The following RHBDL3 variants were observed in gnomAD, a reference collection of about 807,000 sequenced individuals.
The protein encoded by RHBDL3 is rhomboid like 3, also known as rhomboid-related protein 3.
RHBDL3 carries 28 observed loss-of-function variants against 48.2 expected under a neutral mutation model. That is an observed-to-expected ratio of 0.58 (90% CI 0.43 to 0.80). The LOEUF (loss-of-function observed/expected upper bound fraction) is 0.80. Ranked by LOEUF, RHBDL3 falls within the 30% of genes least tolerant of loss-of-function variation. RHBDL3 has a pLI of 0.00. For synonymous variants in RHBDL3, 208 were observed against 232.3 expected (o/e 0.90, Z 0.95); for missense variants, 464 against 542.7 (o/e 0.85, Z 1.44).
At chr17:32,271,142 T>TGA (rs2039764421) in intron 2 of RHBDL3, among the ~76,000 whole-genome samples, 1 of 152,242 alleles carries the variant, frequency 6.6e-6, no homozygotes, top group Non-Finnish European at 1.5e-5. Context: ...CTGAGATAGT[T>TGA]TTCGTACCTC....
At chr17:32,266,634 G>T (rs1005667634) in intron 1 of RHBDL3, among the ~76,000 whole-genome samples, 2 of 152,306 alleles carry the variant, frequency 1.3e-5, no homozygotes, top group Admixed American at 1.3e-4. Flanking sequence ...TCACGGCGGT[G>T]ACTCCCCCTC....
chr17:32,305,105 T>G (rs766567030), intron 6 of RHBDL3, among the ~76,000 whole-genome samples: 1 of 134,210 alleles, frequency 7.5e-6, no homozygotes, highest in Non-Finnish European at 1.5e-5. Context: ...GTGACAGAGT[T>G]AGACCTTGTC....
Position 32,284,783 on chromosome 17 carries a change from A to T in RHBDL3, c.260A>T (p.Asp87Val), listed in dbSNP as rs755476449. 11 of 1,613,998 alleles carry T rather than the reference A, an allele frequency of 6.8e-6. No homozygotes were observed. In the Admixed American group the frequency reaches 1.8e-4, roughly 27 times the overall value. The part of the protein sequence containing the change: ...VLLALADSHA[D>V]GQIGYQDFVS... The stretch of plus-strand genomic sequence containing the variant: ...CTGGCTCTTGCCGACAGCCACGCGG[A>T]TGGGCAGATCGGCTACCAGGATTTT... The change falls in exon 3 of 9, where the codon GAT (aspartate) becomes GTT (valine). Residue 87 changes from aspartate (D) to valine (V), a missense_variant. Asp to Val is a radical substitution (Grantham distance 152). Transcript: ENST00000269051.
At chr17:32,294,268 T>A (rs1388503065) in intron 4 of RHBDL3, 26 bp from the exon 5 acceptor site, 9 of 1,609,334 alleles carry the variant, frequency 5.6e-6, no homozygotes, top group Non-Finnish European at 6.8e-6. Context: ...GTGCACCTAG[T>A]AACAGACTCT....
intron 5 of RHBDL3, among the ~76,000 whole-genome samples, chr17:32,297,032 G>T (rs866571693): frequency 6.6e-6 from 1 of 151,454 alleles, no homozygotes; most frequent in South Asian, 2.1e-4. Context: ...CATATTTTTA[G>T]TAAAGACGGG....
chr17:32,288,517 C>T (rs903954379), intron 3 of RHBDL3: 7 of 425,434 alleles, frequency 1.6e-5, no homozygotes, highest in Admixed American at 1.1e-4. Flanking sequence ...CTCTCGGTGT[C>T]TCAGTTTCCT....
chr17:32,319,092 G>C (rs1456382115), intron 8 of RHBDL3, among the ~76,000 whole-genome samples: 1 of 151,544 alleles, frequency 6.6e-6, no homozygotes, highest in Non-Finnish European at 1.5e-5. Flanking sequence ...TCGTTTTTGA[G>C]GAAGGAAAGA....
At chr17:32,275,331 C>T (rs2039872357) in intron 2 of RHBDL3, among the ~76,000 whole-genome samples, 1 of 152,226 alleles carries the variant, frequency 6.6e-6, no homozygotes, top group Non-Finnish European at 1.5e-5. Context: ...TGAGTCACAG[C>T]CCCTGGCAGC....
chr17:32,321,140 G>A lies in RHBDL3; in HGVS notation c.1126G>A (p.Ala376Thr). ...QDQSLWWIFV[A>T]MYTVFVLFAV... is the part of the protein sequence containing the mutation. ...CCAGTCACTGTGGTGGATTTTTGTGGCCATGTACACCGTCTTCGTGCTGTT... is the reference window on the plus strand; with the variant it reads ...CCAGTCACTGTGGTGGATTTTTGTGACCATGTACACCGTCTTCGTGCTGTT... Residue 376 changes from alanine to threonine, a missense_variant, in exon 9 of 9, where the codon GCC becomes ACC. By Grantham distance (58) the Ala-to-Thr change is moderately conservative. Transcript: ENST00000269051. 1 of 1,614,238 alleles carries A rather than the reference G, an allele frequency of 6.2e-7. No homozygotes were observed.
At chr17:32,317,157 G>C (rs895693431) in intron 8 of RHBDL3, among the ~76,000 whole-genome samples, 1 of 152,156 alleles carries the variant, frequency 6.6e-6, no homozygotes, top group Non-Finnish European at 1.5e-5. Flanking sequence ...ACAGGCATGA[G>C]CCACCATGCC....
chr17:32,274,365 T>TGA (rs2039846087), intron 2 of RHBDL3, among the ~76,000 whole-genome samples: 1 of 152,224 alleles, frequency 6.6e-6, no homozygotes, highest in Non-Finnish European at 1.5e-5. Context: ...AGTCCGTGTG[T>TGA]GGCTTAAGCT....
rs191934329 is a variant in RHBDL3, at chr17:32,303,479, A to G, written c.782-1862A>G. Among the ~76,000 whole-genome samples the G allele has an allele frequency of 1.1e-4, 17 of 152,248 alleles. No homozygotes were observed. In the East Asian group the frequency reaches 2.7e-3, roughly 24 times the overall value. ...CACCCTGGGATTTTTCTTTCCTGTTATATATGGCTGACCCTGTGGCTAAGC... is the reference window on the plus strand; with the variant it reads ...CACCCTGGGATTTTTCTTTCCTGTTGTATATGGCTGACCCTGTGGCTAAGC... On this transcript the variant is annotated intron_variant, in intron 6 of 8. Transcript: ENST00000269051.
chr17:32,288,079 G>A lies in RHBDL3; in HGVS notation c.295-713G>A, dbSNP rs557950594. ...TCCTGTGAAGGCCCTCGGGAGTGGT[G>A]ACCTTCCCCAGGCACAGCTTGGGTT... On this transcript the variant is annotated intron_variant, in intron 3 of 8. Transcript: ENST00000269051. 2.6e-5 allele frequency among the ~76,000 whole-genome samples: 4 copies of A among 152,316 alleles called. No individual in the cohort carries two copies. The South Asian group carries it at 8.3e-4, about 32-fold the overall frequency.
At chr17:32,293,259 G>A (rs953930849) in intron 4 of RHBDL3, among the ~76,000 whole-genome samples, 9 of 151,912 alleles carry the variant, frequency 5.9e-5, no homozygotes, top group African/African-American at 1.9e-4. Flanking sequence ...TGATGGTAGC[G>A]CAGCAACATG....
chr17:32,311,777 A>G (rs1476825437), intron 7 of RHBDL3, among the ~76,000 whole-genome samples: 1 of 152,216 alleles, frequency 6.6e-6, no homozygotes, highest in Admixed American at 6.5e-5. Flanking sequence ...TCTCAGGTCA[A>G]GATACTGTCA....
chr17:32,273,723 G>C (rs1010910343), intron 2 of RHBDL3, among the ~76,000 whole-genome samples: 1 of 152,110 alleles, frequency 6.6e-6, no homozygotes, highest in African/African-American at 2.4e-5. Context: ...ACATATAATA[G>C]AGTAGGTTTT....
chr17:32,275,901 A>T (rs541309574), intron 2 of RHBDL3, among the ~76,000 whole-genome samples: 1 of 152,256 alleles, frequency 6.6e-6, no homozygotes, highest in African/African-American at 2.4e-5. Context: ...CCAGGGGAGT[A>T]GGGGTCACAA....
intron 8 of RHBDL3, 93 bp downstream of exon 8, chr17:32,316,385 T>A: frequency 6.4e-6 from 6 of 936,604 alleles, no homozygotes; most frequent in Admixed American, 2.2e-5. Context: ...GGGCTTATGG[T>A]CAAGAAAAAA....
chr17:32,301,940 A>C (rs565775200), intron 6 of RHBDL3, among the ~76,000 whole-genome samples: 1 of 152,356 alleles, frequency 6.6e-6, no homozygotes, highest in East Asian at 1.9e-4. Flanking sequence ...CCTGCTTTAA[A>C]ATTTTCTGGG....
Sources: allele counts gnomAD v4.1 joint callset (sites outside exome capture counted in the v4.1 genomes callset), GRCh38; gene constraint gnomAD v4.1.1; transcripts MANE v1.5; gene names NCBI Gene and HGNC (gene_info 2026-07-23, HGNC 2026-07-21).